The following USP7 variants were observed in gnomAD, a reference collection of about 807,000 sequenced individuals.
USP7 encodes ubiquitin C-terminal hydrolase 7.
USP7 carries 9 observed loss-of-function variants against 162.9 expected under a neutral mutation model. The ratio of observed to expected loss-of-function variants is 0.06; its 90% CI spans 0.03 to 0.10. USP7 has a LOEUF of 0.10. USP7 is among the 10% of genes least tolerant of loss of function. USP7 has a pLI of 1.00. For synonymous variants in USP7, 562 were observed against 475.9 expected (o/e 1.18, Z -2.35); for missense variants, 715 against 1,373.7 (o/e 0.52, Z 7.58).
rs941654069 is a variant in USP7, at chr16:8,893,118, CCTTTT to C, written c.*875_*879del. 36 of 152,272 alleles carry C rather than the reference CCTTTT, an allele frequency of 2.4e-4. No homozygotes were observed. Among genetic ancestry groups the C allele is most frequent in the African/African-American group, 8.4e-4 (35 of 41,536 alleles). The allele number at this position is 152,272 out of a possible 1,614,324, so 9.4% of individuals were successfully genotyped here. A position where few individuals can be genotyped will look rare whatever the true frequency, so the allele number is the denominator to read the frequency against. On this transcript the variant is annotated 3_prime_UTR_variant, in exon 31 of 31. Transcript: ENST00000344836. ...TTCATTAAATATACAATTCATTTTT[CCTTTT>C]TTTTTCATTTTTAACTTTTTTACAA...
At chr16:8,920,323 A>G in intron 5 of USP7, 36 bp downstream of exon 5, 2 of 1,561,428 alleles carry the variant, frequency 1.3e-6, no homozygotes, top group Non-Finnish European at 1.7e-6. Context: ...AGCACAAAAG[A>G]CATTTTTAAC....
Position 8,893,853 on chromosome 16 carries a change from C to A in USP7, c.*145G>T, listed in dbSNP as rs1474596466. 4 of 698,380 alleles carry A rather than the reference C, an allele frequency of 5.7e-6. No individual in the cohort carries two copies. The highest frequency in any genetic ancestry group is 7.4e-6 in the Non-Finnish European group (3 of 403,586). 43.3% of individuals were successfully genotyped at this position (698,380 alleles called of 1,614,324 possible). On this transcript the variant is annotated 3_prime_UTR_variant, in exon 31 of 31. Transcript: ENST00000344836. ...AGTCAATAGATACAGAGAAGCCAAA[C>A]TGAACAGCCTCAATAAAATAAAATT...
intron 1 of USP7, among the ~76,000 whole-genome samples, chr16:8,941,936 G>C (rs1001383796): frequency 6.6e-6 from 1 of 152,208 alleles, no homozygotes; most frequent in African/African-American, 2.4e-5. Context: ...GAGGGCAAAC[G>C]CACACAGTGA....
intron 1 of USP7, among the ~76,000 whole-genome samples, chr16:8,933,581 C>G (rs1898502028): frequency 2.0e-5 from 3 of 152,098 alleles, no homozygotes; most frequent in African/African-American, 7.2e-5. Context: ...AGTTTCTTCA[C>G]TGTATATGCA....
chr16:8,906,257 C>A (rs568177838), intron 13 of USP7, among the ~76,000 whole-genome samples, 169 bp downstream of exon 13: 1 of 152,346 alleles, frequency 6.6e-6, no homozygotes, highest in Non-Finnish European at 1.5e-5. Flanking sequence ...TATTTACCTT[C>A]AAATCTCAGC....
intron 1 of USP7, among the ~76,000 whole-genome samples, chr16:8,962,042 C>G (rs1041500164): frequency 6.6e-6 from 1 of 152,230 alleles, no homozygotes. Flanking sequence ...TTATTCTATT[C>G]AGAGGTGAAC....
At chr16:8,937,095 T>A (rs1898781286) in intron 1 of USP7, among the ~76,000 whole-genome samples, 1 of 152,162 alleles carries the variant, frequency 6.6e-6, no homozygotes, top group Admixed American at 6.5e-5. Flanking sequence ...GAGGAATAAT[T>A]GATGTAAGTG....
Position 8,903,442 on chromosome 16 carries a change from T to C in USP7, c.1705-40A>G, listed in dbSNP as rs998765452. The C allele has an allele frequency of 1.9e-6, 3 of 1,591,930 alleles. No homozygotes were observed. The African/African-American group carries it at 4.1e-5, about 22-fold the overall frequency. The stretch of plus-strand genomic sequence containing the variant: ...GAAAGCACAGAAAAGACTTGACAAC[T>C]GACAAAAAATGAGTCCACACTGAAC... On this transcript the variant is annotated intron_variant, in intron 15 of 30. Transcript: ENST00000344836.
Position 8,910,839 on chromosome 16 carries a change from G to C in USP7, c.1079-12C>G, listed in dbSNP as rs746724940. ...AAATGATTCAAATACTTTAAAGAGA[G>C]AGAGAGAAAAGTCAAGTGCTAAAGC... On this transcript the variant is annotated splice_polypyrimidine_tract_variant and intron_variant, in intron 10 of 30. Transcript: ENST00000344836. The C allele has an allele frequency of 3.5e-5, 57 of 1,611,064 alleles. No individual in the cohort carries two copies. The highest frequency in any genetic ancestry group is 4.4e-5 in the Non-Finnish European group (52 of 1,178,148).
intron 1 of USP7, among the ~76,000 whole-genome samples, chr16:8,955,488 C>A (rs370551422): frequency 1.3e-5 from 2 of 151,990 alleles, no homozygotes; most frequent in Non-Finnish European, 2.9e-5. Flanking sequence ...TTTGGGAGGC[C>A]GAGTGAGGCA....
chr16:8,910,368 T>A (rs1213512000), intron 11 of USP7, among the ~76,000 whole-genome samples: 1 of 152,162 alleles, frequency 6.6e-6, no homozygotes, highest in East Asian at 1.9e-4. Flanking sequence ...TCATTAAAAA[T>A]ACATTTAAAA....
chr16:8,948,746 G>T (rs1032128483), intron 1 of USP7, among the ~76,000 whole-genome samples: 1 of 151,968 alleles, frequency 6.6e-6, no homozygotes, highest in Non-Finnish European at 1.5e-5. Context: ...ACAACACAAC[G>T]ATAAAAGCAG....
At chr16:8,897,712 A>T (rs1567206396) in intron 25 of USP7, among the ~76,000 whole-genome samples, 1 of 39,230 alleles carries the variant, frequency 2.5e-5, no homozygotes, top group Non-Finnish European at 5.1e-5. Context: ...AAAAAAAAAA[A>T]AAAAAAAAAA....
rs960820108 is a variant in USP7, at chr16:8,906,315, A to T, written c.1428+111T>A. On this transcript the variant is annotated intron_variant, in intron 13 of 30. Transcript: ENST00000344836. ...CATTTAGCAGCCAGAGAATACATAG[A>T]TCAGTTAGGGGTCCCTGACAAGGTT... is the stretch of plus-strand genomic sequence containing the variant. 3.2e-6 allele frequency: 4 copies of T among 1,256,494 alleles called. No homozygotes were observed. The African/African-American group carries it at 6.0e-5, about 19-fold the overall frequency. 77.8% of individuals were successfully genotyped at this position (1,256,494 alleles called of 1,614,324 possible).
chr16:8,914,955 G>T (rs903415794), intron 10 of USP7, among the ~76,000 whole-genome samples: 4 of 152,268 alleles, frequency 2.6e-5, no homozygotes, highest in Middle Eastern at 3.4e-3. Context: ...CCTACTACAA[G>T]GTTCTATTTA....
intron 1 of USP7, among the ~76,000 whole-genome samples, chr16:8,959,842 G>A (rs1018617777): frequency 6.6e-6 from 1 of 152,162 alleles, no homozygotes. Flanking sequence ...CAGAAGCCTA[G>A]ATCAGAAGCT....
At position 8,899,096 on chromosome 16, in the gene USP7, GCAAGT is replaced by G; in HGVS notation, c.2531+20_2531+24del. ...GTGGAAAGCATGCAGTCAAGACCAAGCAAGTGTCCACACATGTGACCTACCCTTGA... is the reference window on the plus strand; with the variant it reads ...GTGGAAAGCATGCAGTCAAGACCAAGGTCCACACATGTGACCTACCCTTGA... On this transcript the variant is annotated intron_variant, in intron 23 of 30. Coordinates refer to ENST00000344836, the MANE Select transcript of USP7 (RefSeq NM_003470.3). 6.2e-7 allele frequency: 1 copy of G among 1,612,682 alleles called. No individual in the cohort carries two copies. The highest frequency in any genetic ancestry group is 8.5e-7 in the Non-Finnish European group (1 of 1,178,966).
In USP7 at chr16:8,902,061, AGGC is replaced by A. The variant is rs772992029; in HGVS notation, c.2047+18_2047+20del. 2.5e-6 allele frequency: 4 copies of A among 1,594,862 alleles called. No individual in the cohort carries two copies. The Admixed American group carries it at 6.7e-5, about 27-fold the overall frequency. On this transcript the variant is annotated intron_variant, in intron 18 of 30. Transcript: ENST00000344836. ...CAACGCTACTGCTCTAAGTGCAGGC[AGGC>A]GTCTCGTGGGCACTTACGATCTTTA...
In USP7 at chr16:8,915,459, G is replaced by C. The variant is rs765536244; in HGVS notation, c.973C>G (p.Arg325Gly). The C allele has an allele frequency of 3.7e-6, 6 of 1,613,376 alleles. No homozygotes were observed. Among genetic ancestry groups the C allele is most frequent in the Non-Finnish European group, 5.1e-6 (6 of 1,179,938 alleles). The change falls in exon 9 of 31, where the codon CGC (arginine) becomes GGC (glycine). Residue 325 changes from arginine to glycine, a missense_variant. By Grantham distance (125) the Arg-to-Gly change is moderately radical. Around this residue, in one of 11 missense-constraint regions of USP7, gnomAD observed 15 missense variants for 27.0 expected, o/e 0.56. Coordinates refer to ENST00000344836, the MANE Select transcript of USP7 (RefSeq NM_003470.3). The part of the protein sequence containing the change: ...CVEGTIPKLF[R>G]GKMVSYIQCK... ...TAGCCACATACCACCATTTTGCCGC[G>C]GAATAATTTGGGTATGGTGCCCTCT...
Sources: allele counts gnomAD v4.1 joint callset (sites outside exome capture counted in the v4.1 genomes callset), GRCh38; gene constraint gnomAD v4.1.1; regional missense constraint gnomAD v4.1.1; transcripts MANE v1.5; gene names NCBI Gene and HGNC (gene_info 2026-07-23, HGNC 2026-07-21).